The following IGF2BP1 variants were observed in gnomAD, a reference collection of about 807,000 sequenced individuals.
The protein encoded by IGF2BP1 is insulin-like growth factor 2 mRNA-binding protein 1.
Under a neutral mutation model 74.9 loss-of-function variants are expected in IGF2BP1, and 11 were observed. The ratio of observed to expected loss-of-function variants is 0.15; its 90% CI spans 0.09 to 0.24. IGF2BP1 has a LOEUF of 0.24. Ranked by LOEUF, IGF2BP1 falls within the 10% of genes least tolerant of loss-of-function variation. IGF2BP1 has a pLI of 1.00. For synonymous variants in IGF2BP1, 287 were observed against 281.8 expected, an observed-to-expected ratio of 1.02 and a Z score of -0.18; for missense variants, 440 against 757.4, an observed-to-expected ratio of 0.58 and a Z score of 4.92.
At chr17:49,006,437 G>A (rs918655520) in intron 2 of IGF2BP1, among the ~76,000 whole-genome samples, 1 of 152,114 alleles carries the variant, frequency 6.6e-6, no homozygotes, top group Non-Finnish European at 1.5e-5. Flanking sequence ...CTCAATTTCC[G>A]TAACTGTAAA....
In IGF2BP1 at chr17:49,026,476, G is replaced by A. The variant is rs2041855292; in HGVS notation, c.296G>A (p.Ser99Asn). 3 of 1,614,134 alleles carry A rather than the reference G, an allele frequency of 1.9e-6. No homozygotes were observed. In the East Asian group the frequency reaches 6.7e-5, roughly 36 times the overall value. ...PPQLRWEVLD[S>N]LLAQYGTVEN... ...TCTCCATTCTCCTAGGTACTGGACA[G>A]CCTGCTGGCTCAGTATGGTACAGTA... Residue 99 changes from serine (S) to asparagine (N), a missense_variant, in exon 4 of 15, where the codon AGC (serine) becomes AAC (asparagine). Physicochemically the swap from Ser to Asn is conservative, Grantham distance 46 (BLOSUM62 1). Coordinates refer to ENST00000290341, the MANE Select transcript of IGF2BP1 (RefSeq NM_006546.4).
At chr17:49,000,476 G>A (rs551036883) in intron 2 of IGF2BP1, among the ~76,000 whole-genome samples, 46 of 152,300 alleles carry the variant, frequency 3.0e-4, no homozygotes, top group Admixed American at 9.8e-4. Context: ...CGTGTTATTG[G>A]AAAGGCAATT....
chr17:49,014,269 C>T (rs1015976955), intron 2 of IGF2BP1, among the ~76,000 whole-genome samples: 1 of 133,386 alleles, frequency 7.5e-6, no homozygotes, highest in Non-Finnish European at 1.7e-5. Flanking sequence ...TCTGTCTCCC[C>T]CTCAGTCTCA....
chr17:49,019,198 G>A (rs2041744756), intron 2 of IGF2BP1, among the ~76,000 whole-genome samples: 1 of 152,122 alleles, frequency 6.6e-6, no homozygotes, highest in Non-Finnish European at 1.5e-5. Flanking sequence ...CCAGTCCCAG[G>A]GGTAGTTTTC....
At chr17:49,034,918 G>A (rs911754539) in intron 5 of IGF2BP1, among the ~76,000 whole-genome samples, 8 of 152,138 alleles carry the variant, frequency 5.3e-5, no homozygotes, top group African/African-American at 1.2e-4. Context: ...CATAAATCCC[G>A]TAAGATATGC....
intron 5 of IGF2BP1, among the ~76,000 whole-genome samples, chr17:49,034,959 G>C (rs556568506): frequency 2.6e-5 from 4 of 152,254 alleles, no homozygotes; most frequent in African/African-American, 7.2e-5. Flanking sequence ...AGTTGATCTT[G>C]AGGAAATGCA....
chr17:49,033,207 G>A (rs937365138), intron 5 of IGF2BP1, among the ~76,000 whole-genome samples: 2 of 152,088 alleles, frequency 1.3e-5, no homozygotes, highest in African/African-American at 4.8e-5. Context: ...GGAGTGCAGT[G>A]GTGCAATCTT....
At chr17:49,027,500 G>A (rs2041871287) in intron 4 of IGF2BP1, among the ~76,000 whole-genome samples, 1 of 152,140 alleles carries the variant, frequency 6.6e-6, no homozygotes, top group Non-Finnish European at 1.5e-5. Flanking sequence ...CAATAGGTAA[G>A]CAAAGTCTTT....
chr17:49,029,716 C>G (rs112630504), intron 4 of IGF2BP1, among the ~76,000 whole-genome samples: 2 of 151,966 alleles, frequency 1.3e-5, no homozygotes, highest in Non-Finnish European at 2.9e-5. Context: ...CCTCAAACTT[C>G]TGGGATCAAG....
At chr17:49,004,932 C>T (rs577187495) in intron 2 of IGF2BP1, 1 of 152,316 alleles carries the variant, frequency 6.6e-6, no homozygotes, top group South Asian at 2.1e-4. Flanking sequence ...CACACCATCG[C>T]AAGGGCAAGG....
At chr17:49,011,137 CAAAAAAAAAAAA>C (rs61620827) in intron 2 of IGF2BP1, among the ~76,000 whole-genome samples, 4 of 57,312 alleles carry the variant, frequency 7.0e-5, no homozygotes, top group East Asian at 8.9e-4. Context: ...GACTCTGTCT[CAAAAAAAAAAAA>C]AAAAAAAAAA....
chr17:49,010,801 A>G (rs1034469734), intron 2 of IGF2BP1, among the ~76,000 whole-genome samples: 49 of 152,238 alleles, frequency 3.2e-4, no homozygotes, highest in Non-Finnish European at 8.8e-5. Flanking sequence ...CTGAGAGTAC[A>G]GAGTCCAGGA....
chr17:49,053,878 CACTCG>C lies in IGF2BP1; in HGVS notation c.*4438_*4442del, dbSNP rs1244442764. ...ATCCTAGTGGCTTTGCCATTCAAACCACTCGACTGTTTGCCTGTTTCTTGAAAACC... is the reference window on the plus strand; with the variant it reads ...ATCCTAGTGGCTTTGCCATTCAAACCACTGTTTGCCTGTTTCTTGAAAACC... On this transcript the variant is annotated 3_prime_UTR_variant, in exon 15 of 15. Transcript: ENST00000290341. 6.5e-6 allele frequency: 1 copy of C among 152,678 alleles called. No individual in the cohort carries two copies. 9.5% of individuals were successfully genotyped at this position (152,678 alleles called of 1,614,324 possible).
intron 2 of IGF2BP1, among the ~76,000 whole-genome samples, chr17:49,019,953 TATAC>T (rs1567815932): frequency 2.0e-4 from 8 of 40,088 alleles, no homozygotes; most frequent in African/African-American, 1.1e-3. Flanking sequence ...TATATATTTA[TATAC>T]ACACACACAC....
chr17:49,001,265 A>G (rs1299353228), intron 2 of IGF2BP1, among the ~76,000 whole-genome samples: 1 of 152,180 alleles, frequency 6.6e-6, no homozygotes, highest in African/African-American at 2.4e-5. Flanking sequence ...CATCTCATGG[A>G]TGTATAGAAC....
At chr17:49,022,631 C>G (rs1181697688) in intron 2 of IGF2BP1, among the ~76,000 whole-genome samples, 1 of 152,094 alleles carries the variant, frequency 6.6e-6, no homozygotes, top group Admixed American at 6.6e-5. Context: ...CTGGAACATT[C>G]CAGACATTCC....
intron 4 of IGF2BP1, among the ~76,000 whole-genome samples, chr17:49,031,252 G>A (rs1291159302): frequency 1.3e-5 from 2 of 151,776 alleles, no homozygotes; most frequent in African/African-American, 4.8e-5. Context: ...GGACTACAAG[G>A]GTGCACCACC....
At chr17:49,032,047 CT>C in intron 5 of IGF2BP1, 74 bp downstream of exon 5, 6 of 1,365,220 alleles carry the variant, frequency 4.4e-6, no homozygotes, top group Non-Finnish European at 5.2e-6. Context: ...CCTGGTCCCA[CT>C]TTTTCCTCAG....
chr17:49,043,672 T>C, intron 10 of IGF2BP1, 122 bp downstream of exon 10: 1 of 1,197,904 alleles, frequency 8.3e-7, no homozygotes, highest in Non-Finnish European at 1.2e-6. Flanking sequence ...AAGGAAGGTC[T>C]CAGAGGCATC....
Sources: gnomAD v4.1 joint callset for allele counts (sites outside exome capture counted in the v4.1 genomes callset) on GRCh38, gnomAD v4.1.1 for gene constraint, MANE v1.5 for transcripts, NCBI Gene and HGNC (gene_info 2026-07-23, HGNC 2026-07-21) for gene names.